SPG11: variants seen among roughly 807,000 people sequenced by gnomAD.
SPG11 encodes spatacsin.
SPG11 carries 222 observed loss-of-function variants against 274.0 expected under a neutral mutation model. The observed-to-expected ratio is 0.81, with a 90% confidence interval of 0.73 to 0.91. SPG11 has a LOEUF of 0.91. Among genes scored for constraint, SPG11 ranks in the 40% least tolerant of loss-of-function variants. SPG11 has a pLI of 0.00. For missense variants in SPG11, 3,114 were observed against 2,872.7 expected (o/e 1.08, Z -1.92); for synonymous variants, 1,144 against 1,039.7 (o/e 1.10, Z -1.93).
intron 20 of SPG11, 149 bp downstream of exon 20, chr15:44,605,876 A>C: frequency 1.4e-6 from 1 of 710,940 alleles, no homozygotes; most frequent in Middle Eastern, 2.6e-4. Context: ...TATGTTTTCA[A>C]TTCTGTCTTT....
Position 44,564,600 on chromosome 15 carries a change from T to G in SPG11, c.7098A>C (p.Glu2366Asp). ...ILKGDFNYLEEFKQQRLLKSS... is the reference protein window; with the variant it reads ...ILKGDFNYLEDFKQQRLLKSS... ...ACTTTAATAACCTTTGCTGCTTAAA[T>G]TCTTCCAAGTAATTAAAGTCTCCTT... The change falls in exon 39 of 40, where the codon GAA (glutamate) becomes GAC (aspartate). Residue 2366 changes from glutamate (E) to aspartate (D), a missense_variant. Physicochemically the swap from Glu to Asp is conservative, Grantham distance 45. Coordinates refer to ENST00000261866, the MANE Select transcript of SPG11 (RefSeq NM_025137.4). 6.2e-7 allele frequency: 1 copy of G among 1,614,050 alleles called. No homozygotes were observed. Among genetic ancestry groups the G allele is most frequent in the Non-Finnish European group, 8.5e-7 (1 of 1,179,888 alleles).
intron 4 of SPG11, among the ~76,000 whole-genome samples, chr15:44,655,409 G>C (rs888425914): frequency 3.9e-5 from 6 of 152,166 alleles, no homozygotes; most frequent in Non-Finnish European, 8.8e-5. Flanking sequence ...GTAGAGAAAA[G>C]TCATGACATT....
intron 28 of SPG11, 132 bp from the exon 29 acceptor site, chr15:44,585,982 T>G: frequency 8.3e-6 from 5 of 600,450 alleles, no homozygotes; most frequent in East Asian, 3.5e-5. Flanking sequence ...AATAAAAAGC[T>G]GTTTTTTTTT....
At chr15:44,575,251 C>T (rs1320335978) in intron 30 of SPG11, 7 of 578,670 alleles carry the variant, frequency 1.2e-5, no homozygotes, top group Non-Finnish European at 1.8e-5. Flanking sequence ...TCAAAGACCT[C>T]ATATGCTACA....
At chr15:44,636,269 T>C (rs931556624) in intron 7 of SPG11, among the ~76,000 whole-genome samples, 1 of 152,060 alleles carries the variant, frequency 6.6e-6, no homozygotes, top group African/African-American at 2.4e-5. Context: ...AAAAAATTAT[T>C]GGCCCGAGAG....
chr15:44,563,977 C>G (rs1443638260), intron 39 of SPG11, among the ~76,000 whole-genome samples: 2 of 151,996 alleles, frequency 1.3e-5, no homozygotes, highest in Non-Finnish European at 2.9e-5. Context: ...CCAAAAGGCA[C>G]CTCTGATGTT....
In SPG11 at chr15:44,596,272, G is replaced by A. The variant is rs1305666768; in HGVS notation, c.4245C>T (p.Thr1415=). 2.5e-6 allele frequency: 4 copies of A among 1,614,050 alleles called. No homozygotes were observed. Among genetic ancestry groups the A allele is most frequent in the Non-Finnish European group, 3.4e-6 (4 of 1,180,026 alleles). Residue 1415 remains threonine, a synonymous_variant, in exon 25 of 40, where the codon ACC becomes ACT. Transcript: ENST00000261866. ...LAFENLPSVP[T]SKMDSDQVCN... Reference sequence around the variant, plus strand: ...AGACTTGATCGCTGTCCATTTTGGAGGTGGGCACTGAGGGCAAGTTCTCAA... The same window carrying A: ...AGACTTGATCGCTGTCCATTTTGGAAGTGGGCACTGAGGGCAAGTTCTCAA...
chr15:44,564,686 C>T lies in SPG11; in HGVS notation c.7012G>A (p.Ala2338Thr), dbSNP rs1392634525. 1 of 1,613,986 alleles carries T rather than the reference C, an allele frequency of 6.2e-7. No homozygotes were observed. Among genetic ancestry groups the T allele is most frequent in the Non-Finnish European group, 8.5e-7 (1 of 1,180,020 alleles). The change falls in exon 39 of 40, where the codon GCT (alanine) becomes ACT (threonine). Residue 2338 changes from alanine (A) to threonine (T), a missense_variant. By Grantham distance (58) the Ala-to-Thr change is moderately conservative. Transcript: ENST00000261866. ...LPRFYQASIV[A>T]EAYDFVPDWA... ...TCTGGAACAAAATCGTAGGCCTCAG[C>T]CACAATAGAAGCCTTAAAAGGAGAG... is the stretch of plus-strand genomic sequence containing the variant.
chr15:44,605,685 T>C (rs1289854211), intron 20 of SPG11, among the ~76,000 whole-genome samples: 1 of 152,232 alleles, frequency 6.6e-6, no homozygotes, highest in African/African-American at 2.4e-5. Flanking sequence ...ATACAGGTAT[T>C]AATTACATGG....
At chr15:44,645,806 G>T (rs905193462) in intron 7 of SPG11, among the ~76,000 whole-genome samples, 5 of 152,094 alleles carry the variant, frequency 3.3e-5, no homozygotes, top group African/African-American at 1.2e-4. Flanking sequence ...AAAAGGACAT[G>T]AACAGACATG....
chr15:44,652,658 CTTTTTTTT>C (rs200032491), intron 4 of SPG11, among the ~76,000 whole-genome samples: 1 of 142,484 alleles, frequency 7.0e-6, no homozygotes, highest in South Asian at 2.2e-4. Flanking sequence ...AGCTTTTTTT[CTTTTTTTT>C]TTTTTTGAGA....
chr15:44,636,617 G>A (rs148202021), intron 7 of SPG11, among the ~76,000 whole-genome samples: 4,819 of 151,784 alleles, frequency 0.032, 281 homozygotes, highest in African/African-American at 0.11. Flanking sequence ...AGCCGAGATC[G>A]TGCCACTGCA....
intron 28 of SPG11, among the ~76,000 whole-genome samples, chr15:44,588,978 C>A (rs1445789818): frequency 9.9e-5 from 15 of 152,172 alleles, no homozygotes; most frequent in Admixed American, 4.6e-4. Flanking sequence ...ACCCCCACAA[C>A]AGGGTAATGT....
intron 37 of SPG11, 103 bp downstream of exon 37, chr15:44,566,114 G>C: frequency 6.3e-7 from 1 of 1,588,118 alleles, no homozygotes; most frequent in Non-Finnish European, 8.6e-7. Context: ...GTTGGCCTAT[G>C]ATGCCCTCCC....
intron 16 of SPG11, 103 bp downstream of exon 16, chr15:44,615,260 T>G (rs535546689): frequency 2.5e-5 from 28 of 1,111,890 alleles, no homozygotes; most frequent in Non-Finnish European, 3.8e-5. Flanking sequence ...TCAGTATTCC[T>G]CGTGTGAATG....
chr15:44,660,032 G>C (rs1329957772), intron 2 of SPG11, among the ~76,000 whole-genome samples: 1 of 152,178 alleles, frequency 6.6e-6, no homozygotes, highest in African/African-American at 2.4e-5. Flanking sequence ...CTGCACTCCA[G>C]CCTGGGTGAC....
Position 44,612,560 on chromosome 15 carries a change from A to C in SPG11, c.3145+870T>G, listed in dbSNP as rs768193959. Reference sequence around the variant, plus strand: ...ACTACAGGAGCATGCCACCACAGCTAATTTTTAAAAATCTTTTGTAGAGAC... The same window carrying C: ...ACTACAGGAGCATGCCACCACAGCTCATTTTTAAAAATCTTTTGTAGAGAC... On this transcript the variant is annotated intron_variant, in intron 17 of 39. Coordinates refer to ENST00000261866, the MANE Select transcript of SPG11 (RefSeq NM_025137.4). Among the ~76,000 whole-genome samples, 3 of 152,046 alleles carry C rather than the reference A, an allele frequency of 2.0e-5. No homozygotes were observed. The South Asian group carries it at 6.2e-4, about 32-fold the overall frequency.
chr15:44,575,103 T>C (rs1595830550), intron 30 of SPG11, 62 bp from the exon 31 acceptor site: 2 of 1,599,700 alleles, frequency 1.3e-6, no homozygotes, highest in East Asian at 4.5e-5. Flanking sequence ...TCCCTAGCTC[T>C]CTATGGCTCT....
At position 44,573,532 on chromosome 15, in the gene SPG11, C is replaced by CG. The variant is rs775165218; in HGVS notation, c.6205+14dup. On this transcript the variant is annotated intron_variant, in intron 32 of 39. Coordinates refer to ENST00000261866, the MANE Select transcript of SPG11 (RefSeq NM_025137.4). ...TGCTGTCAGAGAGGTTGGGAATCCC[C>CG]GGGGGGTAGGGCACCTGTTCCCTGT... 57 of 1,613,892 alleles carry CG rather than the reference C, an allele frequency of 3.5e-5. No individual in the cohort carries two copies. The African/African-American group carries it at 5.7e-4, about 16-fold the overall frequency.
Sources: gnomAD v4.1 joint callset for allele counts (sites outside exome capture counted in the v4.1 genomes callset) on GRCh38, gnomAD v4.1.1 for gene constraint, MANE v1.5 for transcripts, NCBI Gene and HGNC (gene_info 2026-07-23, HGNC 2026-07-21) for gene names.